SETD1B: variants seen among roughly 807,000 people sequenced by gnomAD.
SETD1B encodes histone-lysine N-methyltransferase SETD1B.
SETD1B carries 7 observed loss-of-function variants against 148.0 expected under a neutral mutation model. That is an observed-to-expected ratio of 0.05 (90% CI 0.03 to 0.09). The LOEUF (loss-of-function observed/expected upper bound fraction) is 0.09. SETD1B is among the 10% of genes least tolerant of loss of function. The pLI, the probability that SETD1B is intolerant of heterozygous loss-of-function variation, is 1.00. For synonymous variants in SETD1B, 1,361 were observed against 1,186.5 expected (o/e 1.15, Z -3.02); for missense variants, 2,155 against 2,729.9 (o/e 0.79, Z 4.69).
upstream of SETD1B, chr12:121,801,835 A>C (rs573101959): frequency 6.6e-6 from 1 of 152,222 alleles, no homozygotes; most frequent in Non-Finnish European, 1.5e-5. Flanking sequence ...TGTGATCGTC[A>C]TTAAGAGACA....
chr12:121,800,919 AAG>A (rs1168250402), upstream of SETD1B: 1 of 152,104 alleles, frequency 6.6e-6, no homozygotes, highest in African/African-American at 2.4e-5. Context: ...GAAGGAAGGA[AAG>A]AGAGCCGCCG....
rs552559343 is a variant in SETD1B, at chr12:121,822,714, G to T, written c.4135G>T (p.Val1379Leu). 2.0e-6 allele frequency: 3 copies of T among 1,526,906 alleles called. No individual in the cohort carries two copies. The South Asian group carries it at 3.6e-5, about 18-fold the overall frequency. 94.6% of individuals were successfully genotyped at this position (1,526,906 alleles called of 1,614,324 possible). Residue 1379 changes from valine (V) to leucine (L), a missense_variant, in exon 12 of 17, where the codon GTG becomes TTG. Physicochemically the swap from Val to Leu is conservative, Grantham distance 32 (BLOSUM62 1). Transcript: ENST00000604567. The stretch of plus-strand genomic sequence containing the variant: ...GGCCAAGTCGCAGAGCACAGAGACG[G>T]TGCCAGCCACACCAGGCGGGGAGCC... ...SLAKSQSTET[V>L]PATPGGEPPL...
At chr12:121,802,246 A>T (rs1273054884), upstream of SETD1B, 1 of 152,268 alleles carries the variant, frequency 6.6e-6, no homozygotes, top group Non-Finnish European at 1.5e-5. Context: ...TATATTAGAC[A>T]AGAGAGACAA....
Position 121,814,293 on chromosome 12 carries a change from C to A in SETD1B, c.2078C>A (p.Pro693Gln), listed in dbSNP as rs1566551353. The A allele has an allele frequency of 1.5e-5, 16 of 1,101,084 alleles. No homozygotes were observed. Among genetic ancestry groups the A allele is most frequent in the Admixed American group, 2.5e-5 (1 of 40,394 alleles). 68.2% of individuals were successfully genotyped at this position (1,101,084 alleles called of 1,614,324 possible). A position where few individuals can be genotyped will look rare whatever the true frequency, so the allele number is the denominator to read the frequency against. ...CCTGGCTTCCCCCCGCTGCCCCCCC[C>A]ACCACCACCACCCCCACCGCAGCCT... ...PPPGFPPLPP[P>Q]PPPPPPQPGF... The change falls in exon 7 of 17, where the codon CCA becomes CAA. Residue 693 changes from proline to glutamine, a missense_variant. Pro to Gln is a moderately conservative substitution (Grantham distance 76). Around this residue, in one of 11 missense-constraint regions of SETD1B, gnomAD observed 295 missense variants for 303.8 expected, o/e 0.97. Transcript: ENST00000604567.
At chr12:121,820,036 G>A (rs1210165022) in intron 11 of SETD1B, 141 bp downstream of exon 11, 4 of 729,744 alleles carry the variant, frequency 5.5e-6, no homozygotes, top group Non-Finnish European at 6.7e-6. Flanking sequence ...AGCCGGTTGT[G>A]CCTCCCTCGA....
At chr12:121,824,360 T>G (rs1876736066) in intron 12 of SETD1B, among the ~76,000 whole-genome samples, 1 of 152,142 alleles carries the variant, frequency 6.6e-6, no homozygotes, top group African/African-American at 2.4e-5. Context: ...AGAGCTCTGC[T>G]CAAGTGCCGG....
intron 12 of SETD1B, among the ~76,000 whole-genome samples, chr12:121,824,200 A>C (rs141438388): frequency 2.6e-4 from 39 of 152,312 alleles, no homozygotes; most frequent in African/African-American, 8.2e-4. Flanking sequence ...GGCAGAGTTG[A>C]GATTTGAACC....
intron 11 of SETD1B, among the ~76,000 whole-genome samples, chr12:121,820,841 T>C (rs1412774627): frequency 6.6e-6 from 1 of 152,244 alleles, no homozygotes; most frequent in East Asian, 1.9e-4. Context: ...TCCTAGCACC[T>C]ACCTTTAATA....
intron 6 of SETD1B, among the ~76,000 whole-genome samples, chr12:121,812,763 C>G (rs766893393): frequency 2.4e-4 from 37 of 152,028 alleles, no homozygotes; most frequent in Non-Finnish European, 4.4e-4. Context: ...TGTGTGCGTG[C>G]GTGCGTGTGT....
chr12:121,817,506 G>A lies in SETD1B; in HGVS notation c.3114G>A (p.Lys1038=). Residue 1038 remains lysine, a synonymous_variant, in exon 9 of 17, where the codon AAG becomes AAA. Coordinates refer to ENST00000604567, the MANE Select transcript of SETD1B (RefSeq NM_001353345.2). This position sits in a 1 kb window ranked among gnomAD's most constrained non-coding sequence, Gnocchi z 8.1. ...ACAGTGGTGGGGAGGAGGACGAGAAGGAGTCATTGTCGGCGTCCTCGTCCT... is the reference window on the plus strand; with the variant it reads ...ACAGTGGTGGGGAGGAGGACGAGAAAGAGTCATTGTCGGCGTCCTCGTCCT... The part of the protein sequence containing the change: ...ELDSGGEEDE[K]ESLSASSSSS... 6.4e-7 allele frequency: 1 copy of A among 1,551,346 alleles called. No homozygotes were observed. Among genetic ancestry groups the A allele is most frequent in the South Asian group, 1.2e-5 (1 of 84,062 alleles).
rs1232632011 is a variant in SETD1B, at chr12:121,804,092, A to G, written c.-156A>G. On this transcript the variant is annotated 5_prime_UTR_variant, in exon 1 of 17. Transcript: ENST00000604567. This position sits in a 1 kb window ranked among gnomAD's most constrained non-coding sequence, Gnocchi z 4.6. ...CAGCAGCAGCAGCAGCGGCGGCGGC[A>G]GCGGCAGCAGCTCCGGGCCCGGCAG... is the stretch of plus-strand genomic sequence containing the variant. The G allele has an allele frequency of 1.3e-5, 2 of 153,180 alleles. No homozygotes were observed. The highest frequency in any genetic ancestry group is 2.9e-5 in the Non-Finnish European group (2 of 69,380). The allele number at this position is 153,180 out of a possible 1,614,324, so 9.5% of individuals were successfully genotyped here. A position where few individuals can be genotyped will look rare whatever the true frequency, so the allele number is the denominator to read the frequency against.
chr12:121,814,887 G>C lies in SETD1B; in HGVS notation c.2672G>C (p.Arg891Pro), dbSNP rs369582788. The change falls in exon 7 of 17, where the codon CGG becomes CCG. Residue 891 changes from arginine (R) to proline (P), a missense_variant. Transcript: ENST00000604567. ...NRKMVEVVAF[R>P]AFDEWWDKKE... The stretch of plus-strand genomic sequence containing the variant: ...AAGATGGTGGAAGTGGTGGCTTTCC[G>C]GGCCTTTGACGAGTGGTGGGACAAG... 62 of 1,551,222 alleles carry C rather than the reference G, an allele frequency of 4.0e-5. No homozygotes were observed. Among genetic ancestry groups the C allele is most frequent in the Admixed American group, 3.9e-5 (2 of 50,980 alleles).
chr12:121,832,081 G>T lies in SETD1B; in HGVS notation c.*1842G>T, dbSNP rs897228839. The T allele has an allele frequency of 3.3e-5, 5 of 152,128 alleles. No homozygotes were observed. The highest frequency in any genetic ancestry group is 9.7e-5 in the African/African-American group (4 of 41,404). The allele number at this position is 152,128 out of a possible 1,614,324, so 9.4% of individuals were successfully genotyped here. On this transcript the variant is annotated 3_prime_UTR_variant, in exon 17 of 17. Transcript: ENST00000604567. The stretch of plus-strand genomic sequence containing the variant: ...AGGAAATAATTTATTTTTCACATGA[G>T]GAAATGCGTAGCTTGTAGAGACGGC...
intron 6 of SETD1B, among the ~76,000 whole-genome samples, chr12:121,813,866 A>G (rs1876154856): frequency 6.6e-6 from 1 of 152,174 alleles, no homozygotes; most frequent in African/African-American, 2.4e-5. Flanking sequence ...CCTGGCACAC[A>G]GGTACTGAGC....
Position 121,804,770 on chromosome 12 carries a change from CCAG to C in SETD1B, c.38_40del (p.Gln13del), listed in dbSNP as rs879887994. The C allele has an allele frequency of 6.5e-7, 1 of 1,549,654 alleles. No individual in the cohort carries two copies. The highest frequency in any genetic ancestry group is 1.2e-5 in the South Asian group (1 of 83,910). On this transcript the variant is annotated inframe_deletion, in exon 2 of 17. Transcript: ENST00000604567. This position sits in a 1 kb window ranked among gnomAD's most constrained non-coding sequence, Gnocchi z 4.6. ...ACAGTCACCCCCCCCACCACCACCA[CCAG>C]CAGCCCCCGCCGCAGCCCGGCCCTT... is the stretch of plus-strand genomic sequence containing the variant.
rs768469704 is a variant in SETD1B at position 121,830,045 on chromosome 12, TC to T, written c.5728-14del. ...ACCCTGGGGGACCAGGGGCTCATTC[TC>T]CCCCCCACCTTGCCTGCAGCCCAAC... On this transcript the variant is annotated intron_variant, in intron 16 of 16. Coordinates refer to ENST00000604567, the MANE Select transcript of SETD1B (RefSeq NM_001353345.2). The surrounding 1 kb of genome is among the most constrained non-coding windows in gnomAD (Gnocchi z 5.7). 5.8e-6 allele frequency: 9 copies of T among 1,540,784 alleles called. No homozygotes were observed. Among genetic ancestry groups the T allele is most frequent in the East Asian group, 2.5e-5 (1 of 40,630 alleles).
Position 121,819,688 on chromosome 12 carries a change from G to A in SETD1B, c.3703G>A (p.Asp1235Asn), listed in dbSNP as rs1186577227. 1 of 1,551,180 alleles carries A rather than the reference G, an allele frequency of 6.4e-7. No homozygotes were observed. The highest frequency in any genetic ancestry group is 1.2e-5 in the South Asian group (1 of 84,052). ...VDSLGMEEEV[D>N]IETEAVAPEE... ...CTCGTTGGGCATGGAAGAGGAGGTG[G>A]ACATCGAGACTGAGGCTGTGGCCCC... The change falls in exon 11 of 17, where the codon GAC becomes AAC. Residue 1235 changes from aspartate (D) to asparagine (N), a missense_variant. Around this residue, in one of 11 missense-constraint regions of SETD1B, gnomAD observed 862 missense variants for 873.8 expected, o/e 0.99. Coordinates refer to ENST00000604567, the MANE Select transcript of SETD1B (RefSeq NM_001353345.2).
the SETD1B span, chr12:121,795,979 C>T: frequency 6.6e-6 from 1 of 152,218 alleles, no homozygotes; most frequent in East Asian, 1.9e-4. Flanking sequence ...TGCCCACCCA[C>T]CCCTGCTGGC....
intron 6 of SETD1B, among the ~76,000 whole-genome samples, chr12:121,811,630 T>C (rs1170276160): frequency 6.6e-6 from 1 of 151,954 alleles, no homozygotes; most frequent in Non-Finnish European, 1.5e-5. Context: ...CACTCCTCCT[T>C]CTCGGTCCAG....
Sources: allele counts gnomAD v4.1 joint callset (sites outside exome capture counted in the v4.1 genomes callset), GRCh38; gene constraint gnomAD v4.1.1; regional missense constraint gnomAD v4.1.1; non-coding constraint Gnocchi (gnomAD v3.1); transcripts MANE v1.5; gene names NCBI Gene and HGNC (gene_info 2026-07-23, HGNC 2026-07-21).